Variants in NPAS3 observed in about 807,000 individuals in gnomAD.
NPAS3 encodes the protein neuronal PAS domain protein 3, also known as neuronal PAS domain-containing protein 3.
In NPAS3, 14 loss-of-function variants were observed where a neutral mutation model predicts 73.1. The ratio of observed to expected loss-of-function variants is 0.19; its 90% CI spans 0.13 to 0.30. The LOEUF is 0.30. NPAS3 is among the 10% of genes least tolerant of loss of function. NPAS3 has a pLI of 1.00. For synonymous variants in NPAS3, 620 were observed against 541.5 expected (o/e 1.14, Z -2.01); for missense variants, 1,096 against 1,250.0 (o/e 0.88, Z 1.86).
At chr14:33,457,530 C>T (rs1056233840) in intron 4 of NPAS3, among the ~76,000 whole-genome samples, 33 of 152,218 alleles carry the variant, frequency 2.2e-4, no homozygotes, top group African/African-American at 7.5e-4. Context: ...CCTCCCACTA[C>T]TGAGGAGGAC....
intron 3 of NPAS3, among the ~76,000 whole-genome samples, chr14:33,341,089 G>A (rs8009681): frequency 0.66 from 101,071 of 152,122 alleles, 34,400 homozygotes; most frequent in African/African-American, 0.81. Flanking sequence ...ATTTTCTTTG[G>A]CCTGTAAATT....
chr14:33,487,530 G>A (rs2051670228), intron 4 of NPAS3, among the ~76,000 whole-genome samples: 1 of 152,140 alleles, frequency 6.6e-6, no homozygotes, highest in South Asian at 2.1e-4. Context: ...AAATATCTTT[G>A]CTAGAGCAAA....
At chr14:32,965,342 TC>T (rs1291090519) in intron 1 of NPAS3, among the ~76,000 whole-genome samples, 1 of 152,104 alleles carries the variant, frequency 6.6e-6, no homozygotes, top group Non-Finnish European at 1.5e-5. Context: ...CAACAGCACA[TC>T]TAAAAGTTCA....
At chr14:33,147,809 CTT>C (rs1052681571) in intron 2 of NPAS3, among the ~76,000 whole-genome samples, 2 of 148,384 alleles carry the variant, frequency 1.3e-5, no homozygotes, top group Admixed American at 6.7e-5. Flanking sequence ...ATAATTTAGA[CTT>C]TTAGAAGATG....
At chr14:33,049,329 C>T (rs968267740) in intron 1 of NPAS3, among the ~76,000 whole-genome samples, 3 of 152,086 alleles carry the variant, frequency 2.0e-5, no homozygotes, top group Middle Eastern at 3.2e-3. Flanking sequence ...GCTCCCTATC[C>T]GATGTCTATA....
intron 2 of NPAS3, among the ~76,000 whole-genome samples, chr14:33,114,919 G>A (rs1299512): frequency 0.78 from 118,597 of 152,018 alleles, 46,303 homozygotes; most frequent in Admixed American, 0.8. Flanking sequence ...TAAAAATGAA[G>A]AGCAGCCTGA....
At chr14:33,472,731 T>C (rs2050841702) in intron 4 of NPAS3, among the ~76,000 whole-genome samples, 1 of 150,448 alleles carries the variant, frequency 6.6e-6, no homozygotes, top group South Asian at 2.1e-4. Context: ...TGAAGTTGCC[T>C]TTTATTCAGA....
At chr14:33,160,686 T>C (rs537289590) in intron 2 of NPAS3, among the ~76,000 whole-genome samples, 40 of 151,698 alleles carry the variant, frequency 2.6e-4, no homozygotes, top group Non-Finnish European at 5.3e-4. Context: ...ATCTTTCAAG[T>C]ATAGATTCTG....
At chr14:33,636,387 G>A (rs1361374338) in intron 5 of NPAS3, among the ~76,000 whole-genome samples, 1 of 152,218 alleles carries the variant, frequency 6.6e-6, no homozygotes, top group Non-Finnish European at 1.5e-5. Context: ...TCCAGTCTAT[G>A]TATCAATAAC....
At chr14:33,029,903 T>C (rs2039931711) in intron 1 of NPAS3, among the ~76,000 whole-genome samples, 1 of 152,238 alleles carries the variant, frequency 6.6e-6, no homozygotes, top group Non-Finnish European at 1.5e-5. Context: ...TTATACATTG[T>C]GTACTTGTTG....
At chr14:33,766,397 T>C (rs918067961) in intron 7 of NPAS3, among the ~76,000 whole-genome samples, 1 of 152,216 alleles carries the variant, frequency 6.6e-6, no homozygotes, top group Non-Finnish European at 1.5e-5. Context: ...CATTCCCATT[T>C]AAAACAAGTG....
intron 6 of NPAS3, among the ~76,000 whole-genome samples, chr14:33,695,229 A>C (rs1312218601): frequency 6.6e-6 from 1 of 152,180 alleles, no homozygotes; most frequent in African/African-American, 2.4e-5. Flanking sequence ...CTTTGAATAC[A>C]ATTTATATGT....
intron 7 of NPAS3, among the ~76,000 whole-genome samples, chr14:33,746,195 A>ATTTTTTTTTTTT (rs1241544431): frequency 1.4e-5 from 2 of 146,468 alleles, no homozygotes; most frequent in Admixed American, 6.7e-5. Flanking sequence ...TTATTTATTT[A>ATTTTTTTTTTTT]TTTATTTTTT....
At chr14:32,974,758 G>T (rs1477373021) in intron 1 of NPAS3, among the ~76,000 whole-genome samples, 1 of 152,144 alleles carries the variant, frequency 6.6e-6, no homozygotes, top group Non-Finnish European at 1.5e-5. Flanking sequence ...GAAAAGCAAA[G>T]TCTTTCTCAG....
At chr14:33,752,067 A>T (rs780709565) in intron 7 of NPAS3, among the ~76,000 whole-genome samples, 11 of 152,186 alleles carry the variant, frequency 7.2e-5, no homozygotes, top group African/African-American at 9.6e-5. Flanking sequence ...GGATTGAATG[A>T]TTACTTTTTA....
chr14:33,433,994 C>T (rs2048882125), intron 4 of NPAS3, among the ~76,000 whole-genome samples: 1 of 151,966 alleles, frequency 6.6e-6, no homozygotes, highest in Non-Finnish European at 1.5e-5. Flanking sequence ...AGTTCGAGAC[C>T]AGCCTGGCTA....
rs183051673 is a variant in NPAS3 at position 33,662,970 on chromosome 14, C to T, written c.559-13241C>T. 1.3e-5 allele frequency among the ~76,000 whole-genome samples: 2 copies of T among 149,430 alleles called. 1 individual carries two copies. The highest frequency in any genetic ancestry group is 3.0e-5 in the Non-Finnish European group (2 of 67,620). On this transcript the variant is annotated intron_variant, in intron 5 of 11. Coordinates refer to ENST00000356141, the Ensembl canonical transcript of NPAS3. ...CCGCCTCCTGGGTTCACGCCATTCT[C>T]CTGCCTCAGCCTCCTGAGTGGGTTT...
chr14:33,561,558 G>C (rs2055650569), intron 5 of NPAS3, among the ~76,000 whole-genome samples: 1 of 152,302 alleles, frequency 6.6e-6, no homozygotes, highest in Middle Eastern at 3.4e-3. Context: ...CTTATTGAAA[G>C]ATCTGGTTTT....
chr14:33,485,256 C>T (rs960874085), intron 4 of NPAS3, among the ~76,000 whole-genome samples: 5 of 152,072 alleles, frequency 3.3e-5, no homozygotes, highest in African/African-American at 4.8e-5. Context: ...TCCATCTTCC[C>T]GAAGATGAGA....
Sources: gnomAD v4.1 joint callset for allele counts (sites outside exome capture counted in the v4.1 genomes callset) on GRCh38, gnomAD v4.1.1 for gene constraint, MANE v1.5 for transcripts, NCBI Gene and HGNC (gene_info 2026-07-23, HGNC 2026-07-21) for gene names.